CDNF: variants seen among roughly 807,000 people sequenced by gnomAD.
CDNF encodes the protein ARMET-like protein 1.
CDNF carries 9 observed loss-of-function variants against 14.8 expected under a neutral mutation model. That is an observed-to-expected ratio of 0.61 (90% CI 0.37 to 1.06). CDNF has a LOEUF of 1.06. CDNF is among the 50% of genes least tolerant of loss of function. CDNF has a pLI of 0.01. For synonymous variants in CDNF, 86 were observed against 87.2 expected (o/e 0.99, Z 0.07); for missense variants, 228 against 228.4 (o/e 1.00, Z 0.01).
chr10:14,829,898 G>A (rs1321859180), intron 1 of CDNF, among the ~76,000 whole-genome samples: 1 of 152,110 alleles, frequency 6.6e-6, no homozygotes, highest in Non-Finnish European at 1.5e-5. Flanking sequence ...CCAAAGCGCT[G>A]GGATTACAGC....
chr10:14,827,734 A>G (rs1588796344), intron 2 of CDNF, among the ~76,000 whole-genome samples: 1 of 152,246 alleles, frequency 6.6e-6, no homozygotes, highest in East Asian at 1.9e-4. Flanking sequence ...CTCTACTAAA[A>G]ATACATAATT....
intron 1 of CDNF, among the ~76,000 whole-genome samples, chr10:14,832,852 CTT>C (rs918887413): frequency 2.9e-4 from 23 of 80,490 alleles, no homozygotes; most frequent in African/African-American, 6.0e-4. Flanking sequence ...TCTTTTTTTG[CTT>C]TTTTTTTTTT....
At chr10:14,829,325 A>T (rs1454807661) in intron 1 of CDNF, among the ~76,000 whole-genome samples, 4 of 152,164 alleles carry the variant, frequency 2.6e-5, no homozygotes, top group Non-Finnish European at 5.9e-5. Context: ...CTAAAGTGAA[A>T]TCAGGCTGGG....
At chr10:14,821,575 G>T (rs1472222377) in intron 3 of CDNF, among the ~76,000 whole-genome samples, 1 of 152,196 alleles carries the variant, frequency 6.6e-6, no homozygotes, top group Non-Finnish European at 1.5e-5. Flanking sequence ...GGATTTTAGT[G>T]TCTGAGTATG....
rs1002739585 is a variant in CDNF, at chr10:14,825,506, C to A, written c.358G>T (p.Asp120Tyr). The change falls in exon 3 of 4, where the codon GAT becomes TAT. Residue 120 changes from aspartate (D) to tyrosine (Y), a missense_variant. Asp to Tyr is a radical substitution (Grantham distance 160). Transcript: ENST00000465530. The stretch of plus-strand genomic sequence containing the variant: ...TATTTCAGCTCACAGATCTGGCTAT[C>A]CAACTTCTTCAGCTTCTCACAAATC... ...MKICEKLKKL[D>Y]SQICELKYEK... 6.2e-7 allele frequency: 1 copy of A among 1,614,110 alleles called. No individual in the cohort carries two copies. The highest frequency in any genetic ancestry group is 1.7e-5 in the Admixed American group (1 of 60,010).
chr10:14,829,778 C>T (rs944604617), intron 1 of CDNF, among the ~76,000 whole-genome samples: 6 of 152,056 alleles, frequency 3.9e-5, no homozygotes, highest in South Asian at 2.1e-4. Flanking sequence ...TACAGGCGCT[C>T]GCCACCACAC....
intron 1 of CDNF, among the ~76,000 whole-genome samples, chr10:14,830,768 C>T (rs1833837979): frequency 6.6e-6 from 1 of 152,126 alleles, no homozygotes. Flanking sequence ...AATGCTTGAA[C>T]CCGGGAGGCG....
intron 2 of CDNF, among the ~76,000 whole-genome samples, chr10:14,826,002 A>AAGGAGC (rs1554763984): frequency 7.4e-6 from 1 of 134,562 alleles, no homozygotes; most frequent in African/African-American, 3.4e-5. Context: ...GAAGCAGCAG[A>AAGGAGC]AGAAGCAGAA....
At chr10:14,828,321 A>G in intron 1 of CDNF, 49 bp from the exon 2 acceptor site, 1 of 1,588,274 alleles carries the variant, frequency 6.3e-7, no homozygotes, top group South Asian at 1.1e-5. Flanking sequence ...AACCACTACC[A>G]CACCTATGCA....
chr10:14,827,052 C>CA (rs34308438), intron 2 of CDNF, among the ~76,000 whole-genome samples: 26,021 of 74,918 alleles, frequency 0.35, 4,042 homozygotes, highest in African/African-American at 0.4. Flanking sequence ...CCCGTCTCTA[C>CA]AAAAAAAAAA....
chr10:14,836,316 C>G (rs529437472), intron 1 of CDNF: 3 of 152,152 alleles, frequency 2.0e-5, no homozygotes, highest in African/African-American at 7.2e-5. Context: ...AATATATAGA[C>G]AGGTTAGTCA....
At chr10:14,836,479 G>C (rs1222075251) in intron 1 of CDNF, among the ~76,000 whole-genome samples, 1 of 152,204 alleles carries the variant, frequency 6.6e-6, no homozygotes. Context: ...CACAAAGTCT[G>C]TTTTAAAAGT....
At position 14,819,878 on chromosome 10, in the gene CDNF, C is replaced by T. The variant is rs904469864; in HGVS notation, c.*102G>A. 8.4e-7 allele frequency: 1 copy of T among 1,193,700 alleles called. No homozygotes were observed. Among genetic ancestry groups the T allele is most frequent in the Non-Finnish European group, 1.2e-6 (1 of 851,250 alleles). 73.9% of individuals were successfully genotyped at this position (1,193,700 alleles called of 1,614,324 possible). A position where few individuals can be genotyped will look rare whatever the true frequency, so the allele number is the denominator to read the frequency against. On this transcript the variant is annotated 3_prime_UTR_variant, in exon 4 of 4. Coordinates refer to ENST00000465530, the MANE Select transcript of CDNF (RefSeq NM_001029954.3). The stretch of plus-strand genomic sequence containing the variant: ...TAATACCAACACAAAAAGCATGAGA[C>T]CAAATATGATGCATTCCCAGTTATC...
At chr10:14,831,996 C>T (rs1414802553) in intron 1 of CDNF, among the ~76,000 whole-genome samples, 2 of 152,200 alleles carry the variant, frequency 1.3e-5, no homozygotes, top group Middle Eastern at 3.4e-3. Context: ...TTCTAGGTTC[C>T]TAAGATTCAG....
At chr10:14,829,478 C>T (rs538202615) in intron 1 of CDNF, among the ~76,000 whole-genome samples, 40 of 152,256 alleles carry the variant, frequency 2.6e-4, no homozygotes, top group Admixed American at 6.5e-4. Context: ...ACTGAGGAGG[C>T]TAAAATGGGA....
chr10:14,833,213 T>C (rs1183200048), intron 1 of CDNF, among the ~76,000 whole-genome samples: 1 of 152,198 alleles, frequency 6.6e-6, no homozygotes, highest in Non-Finnish European at 1.5e-5. Context: ...CTGTGATGGT[T>C]AATTTTATGT....
intron 3 of CDNF, among the ~76,000 whole-genome samples, chr10:14,823,768 C>A (rs1833757221): frequency 6.6e-6 from 1 of 152,206 alleles, no homozygotes; most frequent in Non-Finnish European, 1.5e-5. Flanking sequence ...CTCAAATGAT[C>A]CTCCTTTCTT....
At chr10:14,835,790 A>G (rs1833881089) in intron 1 of CDNF, among the ~76,000 whole-genome samples, 1 of 152,210 alleles carries the variant, frequency 6.6e-6, no homozygotes, top group Admixed American at 6.5e-5. Flanking sequence ...ACAGACTTGA[A>G]TATCTACAGG....
chr10:14,833,182 G>C (rs1042535382), intron 1 of CDNF, among the ~76,000 whole-genome samples: 6 of 152,104 alleles, frequency 3.9e-5, no homozygotes, highest in Admixed American at 3.3e-4. Flanking sequence ...GACATATGAA[G>C]TTCAAGATGC....
Sources: allele counts gnomAD v4.1 joint callset (sites outside exome capture counted in the v4.1 genomes callset), GRCh38; gene constraint gnomAD v4.1.1; transcripts MANE v1.5; gene names NCBI Gene and HGNC (gene_info 2026-07-23, HGNC 2026-07-21).